Variants in CDH13 observed in about 807,000 individuals in gnomAD.
CDH13 encodes the protein cadherin 13, also known as cadherin-13.
In CDH13, 24 loss-of-function variants were observed where a neutral mutation model predicts 63.8. The ratio of observed to expected loss-of-function variants is 0.38; its 90% CI spans 0.27 to 0.53. The LOEUF (loss-of-function observed/expected upper bound fraction) is 0.53, where lower values mean the gene tolerates loss of function less well. Among genes scored for constraint, CDH13 ranks in the 20% least tolerant of loss-of-function variants. The probability of loss-of-function intolerance (pLI) is 0.85; values close to 1 mark genes in which losing one functional copy is unlikely to be tolerated. For synonymous variants in CDH13, 503 were observed against 355.3 expected (o/e 1.42, Z -4.67); for missense variants, 1,049 against 903.1 (o/e 1.16, Z -2.07).
chr16:83,189,069 G>C (rs1056217831), intron 4 of CDH13, among the ~76,000 whole-genome samples: 6 of 152,210 alleles, frequency 3.9e-5, no homozygotes, highest in Non-Finnish European at 8.8e-5. Context: ...ATGTTTAACA[G>C]AATCTTTAGA....
intron 1 of CDH13, among the ~76,000 whole-genome samples, chr16:82,854,136 A>T (rs913345220): frequency 6.6e-6 from 1 of 152,160 alleles, no homozygotes; most frequent in Non-Finnish European, 1.5e-5. Context: ...TTGGTGGCTT[A>T]TGCCTGTAAT....
intron 6 of CDH13, among the ~76,000 whole-genome samples, chr16:83,437,892 A>G (rs2072359025): frequency 6.6e-6 from 1 of 152,162 alleles, no homozygotes; most frequent in African/African-American, 2.4e-5. Context: ...TGTCACTCCA[A>G]GATGGCCAGT....
chr16:83,209,374 C>T (rs1371172795), intron 4 of CDH13, among the ~76,000 whole-genome samples: 1 of 152,160 alleles, frequency 6.6e-6, no homozygotes, highest in Non-Finnish European at 1.5e-5. Context: ...TAGCTTGGAA[C>T]AGACATCCGG....
rs1048200268 is a variant in CDH13 at position 83,795,643 on chromosome 16, G to C, written c.*613G>C. ...CCACAACCAGCCAGGCAGGTCCACA[G>C]AGAGGGAGAGCAGAGAAAGAAGTCC... On this transcript the variant is annotated 3_prime_UTR_variant, in exon 14 of 14. Transcript: ENST00000567109. 6.6e-6 allele frequency: 1 copy of C among 152,252 alleles called. No individual in the cohort carries two copies. The highest frequency in any genetic ancestry group is 2.4e-5 in the African/African-American group (1 of 41,438). 9.4% of individuals were successfully genotyped at this position (152,252 alleles called of 1,614,324 possible). A position where few individuals can be genotyped will look rare whatever the true frequency, so the allele number is the denominator to read the frequency against.
chr16:82,751,690 C>T (rs1034096594), intron 1 of CDH13, among the ~76,000 whole-genome samples: 2 of 139,068 alleles, frequency 1.4e-5, no homozygotes, highest in African/African-American at 2.8e-5. Context: ...AGAGAAAGAC[C>T]ATGGAAAACA....
intron 4 of CDH13, among the ~76,000 whole-genome samples, chr16:83,137,950 C>T (rs16959412): frequency 0.22 from 33,309 of 151,524 alleles, 3,913 homozygotes; most frequent in South Asian, 0.33. Context: ...CTCTGGTTCC[C>T]AAATAGGGTC....
intron 1 of CDH13, among the ~76,000 whole-genome samples, chr16:82,673,336 G>T (rs780263085): frequency 7.2e-5 from 11 of 152,194 alleles, no homozygotes; most frequent in South Asian, 2.1e-4. Context: ...TTCACACTCA[G>T]TCAAGGAACT....
At chr16:83,557,667 A>C (rs967986656) in intron 7 of CDH13, among the ~76,000 whole-genome samples, 2 of 152,176 alleles carry the variant, frequency 1.3e-5, no homozygotes, top group Non-Finnish European at 2.9e-5. Context: ...TCTGGGAGGT[A>C]CTGGGAGGTG....
intron 1 of CDH13, among the ~76,000 whole-genome samples, chr16:82,757,184 A>T (rs1455960328): frequency 6.6e-6 from 1 of 152,182 alleles, no homozygotes; most frequent in Non-Finnish European, 1.5e-5. Context: ...CTCTTGCTGC[A>T]GACTCCTCTA....
chr16:83,767,666 TA>T (rs1402408218), intron 11 of CDH13, among the ~76,000 whole-genome samples: 33 of 152,212 alleles, frequency 2.2e-4, no homozygotes, highest in Middle Eastern at 6.8e-3. Flanking sequence ...TATTCAGCCA[TA>T]AAAAAGAATG....
intron 5 of CDH13, among the ~76,000 whole-genome samples, chr16:83,264,959 G>A (rs139110994): frequency 6.6e-6 from 1 of 151,888 alleles, no homozygotes; most frequent in African/African-American, 2.4e-5. Flanking sequence ...TATGAAATAC[G>A]ACTCTGATAG....
intron 7 of CDH13, among the ~76,000 whole-genome samples, chr16:83,581,983 G>C (rs1905652001): frequency 6.6e-6 from 1 of 152,162 alleles, no homozygotes; most frequent in Non-Finnish European, 1.5e-5. Context: ...TTGTGACCTT[G>C]TCTATGGCTC....
intron 2 of CDH13, among the ~76,000 whole-genome samples, chr16:82,997,579 C>G (rs1912387456): frequency 6.6e-6 from 1 of 152,202 alleles, no homozygotes; most frequent in East Asian, 1.9e-4. Flanking sequence ...CCAGTTGTCT[C>G]AGCTAATGGC....
chr16:83,771,141 C>G (rs1047563018), intron 11 of CDH13, among the ~76,000 whole-genome samples: 9 of 152,160 alleles, frequency 5.9e-5, no homozygotes, highest in Admixed American at 3.3e-4. Flanking sequence ...TGTATGATAA[C>G]AGGTGCTCGA....
intron 1 of CDH13, among the ~76,000 whole-genome samples, chr16:82,710,814 G>A (rs1236998990): frequency 1.3e-5 from 2 of 149,242 alleles, no homozygotes; most frequent in Non-Finnish European, 3.0e-5. Context: ...ATATATGTAT[G>A]TTTTACATAC....
intron 6 of CDH13, among the ~76,000 whole-genome samples, chr16:83,366,225 A>G (rs1176982989): frequency 5.3e-5 from 8 of 152,166 alleles, no homozygotes; most frequent in Non-Finnish European, 8.8e-5. Flanking sequence ...TGAATTACCA[A>G]CTTACAATTT....
At chr16:82,803,172 G>T (rs961297684) in intron 1 of CDH13, among the ~76,000 whole-genome samples, 1 of 152,162 alleles carries the variant, frequency 6.6e-6, no homozygotes, top group Non-Finnish European at 1.5e-5. Flanking sequence ...ATAGGTCTAG[G>T]CTACTCTCAG....
chr16:83,757,298 CTGGGCACGG>C (rs1490050712), intron 11 of CDH13, among the ~76,000 whole-genome samples: 2 of 152,194 alleles, frequency 1.3e-5, no homozygotes, highest in Non-Finnish European at 2.9e-5. Context: ...CAAATCCAGG[CTGGGCACGG>C]TGGCTCACTC....
chr16:82,940,841 C>G (rs1372887242), intron 2 of CDH13, among the ~76,000 whole-genome samples: 1 of 152,128 alleles, frequency 6.6e-6, no homozygotes, highest in Non-Finnish European at 1.5e-5. Flanking sequence ...TTGTATTTCT[C>G]AAACTCAACC....
Sources: allele counts gnomAD v4.1 joint callset (sites outside exome capture counted in the v4.1 genomes callset), GRCh38; gene constraint gnomAD v4.1.1; transcripts MANE v1.5; gene names NCBI Gene and HGNC (gene_info 2026-07-23, HGNC 2026-07-21).